The following ABCC11 variants were observed in gnomAD, a reference collection of about 807,000 sequenced individuals.
ABCC11 encodes the protein ATP binding cassette subfamily C member 11.
A neutral mutation model predicts 149.3 loss-of-function variants in ABCC11; 135 were observed. The ratio of observed to expected loss-of-function variants is 0.90; its 90% CI spans 0.79 to 1.04. The LOEUF (loss-of-function observed/expected upper bound fraction) is 1.04. ABCC11 is among the 50% of genes least tolerant of loss of function. ABCC11 has a pLI of 0.00. For missense variants in ABCC11, 1,680 were observed against 1,722.1 expected, an observed-to-expected ratio of 0.98 and a Z score of 0.43; for synonymous variants, 665 against 671.4, an observed-to-expected ratio of 0.99 and a Z score of 0.15.
intron 23 of ABCC11, among the ~76,000 whole-genome samples, chr16:48,183,568 C>T (rs934872915): frequency 2.6e-5 from 4 of 152,208 alleles, no homozygotes; most frequent in African/African-American, 9.7e-5. Context: ...TCAAGACCAG[C>T]CTGGCCAACA....
Position 48,205,553 on chromosome 16 carries a change from TC to T in ABCC11, c.1681-17del. 6.2e-7 allele frequency: 1 copy of T among 1,612,192 alleles called. No individual in the cohort carries two copies. Among genetic ancestry groups the T allele is most frequent in the South Asian group, 1.1e-5 (1 of 90,900 alleles). ...GCAAGTGCATCTGCGGCAGAATGAG[TC>T]CAGCCTCAGGACCAATTGGGCCAAG... On this transcript the variant is annotated splice_polypyrimidine_tract_variant and intron_variant, in intron 12 of 29. Coordinates refer to ENST00000356608, the MANE Select transcript of ABCC11 (RefSeq NM_001370497.1).
At chr16:48,237,268 T>G (rs118124073) in intron 1 of ABCC11, among the ~76,000 whole-genome samples, 3 of 152,310 alleles carry the variant, frequency 2.0e-5, no homozygotes, top group Non-Finnish European at 4.4e-5. Flanking sequence ...TAGGGCACAT[T>G]GTACATATCC....
Position 48,227,690 on chromosome 16 carries a change from G to A in ABCC11, c.395+116C>T, listed in dbSNP as rs968177461. 40 of 1,394,996 alleles carry A rather than the reference G, an allele frequency of 2.9e-5. No homozygotes were observed. In the Middle Eastern group the frequency reaches 6.5e-4, roughly 23 times the overall value. 86.4% of individuals were successfully genotyped at this position (1,394,996 alleles called of 1,614,324 possible). A position where few individuals can be genotyped will look rare whatever the true frequency, so the allele number is the denominator to read the frequency against. On this transcript the variant is annotated intron_variant, in intron 4 of 29. Coordinates refer to ENST00000356608, the MANE Select transcript of ABCC11 (RefSeq NM_001370497.1). ...CCTAGTATGAGGCCTCTTCCTACAG[G>A]AAGAGCCAAGTCGTCTGGCATGGCC...
chr16:48,230,477 C>T lies in ABCC11; in HGVS notation c.196G>A (p.Ala66Thr). 3 of 1,612,316 alleles carry T rather than the reference C, an allele frequency of 1.9e-6. No individual in the cohort carries two copies. Among genetic ancestry groups the T allele is most frequent in the South Asian group, 2.2e-5 (2 of 90,678 alleles). Residue 66 changes from alanine to threonine, a missense_variant, in exon 3 of 30, where the codon GCT becomes ACT. Coordinates refer to ENST00000356608, the MANE Select transcript of ABCC11 (RefSeq NM_001370497.1). ...AAVPPWGKYD[A>T]ALRTMIPFRP... ...AAGGGAATCATGGTTCTCAAGGCAGCATCATACTTCCCCCACGGTGGGACA... is the reference window on the plus strand; with the variant it reads ...AAGGGAATCATGGTTCTCAAGGCAGTATCATACTTCCCCCACGGTGGGACA...
intron 14 of ABCC11, among the ~76,000 whole-genome samples, chr16:48,200,916 T>C (rs1191376555): frequency 6.6e-6 from 1 of 152,150 alleles, no homozygotes; most frequent in Non-Finnish European, 1.5e-5. Flanking sequence ...ACAATAGAAA[T>C]GATAAATACC....
At chr16:48,199,672 ATTTTTTTTTTTT>A (rs71134549) in intron 15 of ABCC11, among the ~76,000 whole-genome samples, 3 of 58,242 alleles carry the variant, frequency 5.2e-5, no homozygotes, top group African/African-American at 1.9e-4. Flanking sequence ...TTTTTTATTG[ATTTTTTTTTTTT>A]TTTTTTTTTT....
chr16:48,215,402 G>A, intron 7 of ABCC11, 58 bp from the exon 8 acceptor site: 4 of 1,577,144 alleles, frequency 2.5e-6, no homozygotes, highest in Non-Finnish European at 3.5e-6. Flanking sequence ...TTTGACAAGG[G>A]CAGGAGAGTT....
In ABCC11 at chr16:48,182,194, C is replaced by T. The variant is rs560241635; in HGVS notation, c.3258+2246G>A. ...TGCACTCCAGCACATACATGCACTCCAGCACACACATGCACTCCAGTACAT... is the reference window on the plus strand; with the variant it reads ...TGCACTCCAGCACATACATGCACTCTAGCACACACATGCACTCCAGTACAT... On this transcript the variant is annotated intron_variant, in intron 23 of 29. Transcript: ENST00000356608. Among the ~76,000 whole-genome samples, 11 of 152,352 alleles carry T rather than the reference C, an allele frequency of 7.2e-5. No homozygotes were observed. In the East Asian group the frequency reaches 2.1e-3, roughly 29 times the overall value.
At chr16:48,208,806 G>A (rs775418777) in intron 11 of ABCC11, among the ~76,000 whole-genome samples, 22 of 152,150 alleles carry the variant, frequency 1.4e-4, no homozygotes, top group Non-Finnish European at 1.8e-4. Context: ...AAGCCACTTA[G>A]CCTCTCTGGG....
intron 3 of ABCC11, 92 bp from the exon 4 acceptor site, chr16:48,228,056 C>CACCG: frequency 2.1e-6 from 2 of 949,610 alleles, no homozygotes; most frequent in Admixed American, 4.8e-5. Context: ...CGAGGTTACC[C>CACCG]AGATCTACAC....
chr16:48,172,231 T>A (rs1467929852), intron 26 of ABCC11, among the ~76,000 whole-genome samples: 1 of 152,226 alleles, frequency 6.6e-6, no homozygotes, highest in East Asian at 1.9e-4. Context: ...TAATATTCCA[T>A]TGTATGTATA....
At chr16:48,179,469 C>A (rs1201047796) in intron 23 of ABCC11, among the ~76,000 whole-genome samples, 1 of 152,200 alleles carries the variant, frequency 6.6e-6, no homozygotes, top group Admixed American at 6.5e-5. Context: ...TACCCTGGCC[C>A]AAGAAATGGG....
In ABCC11 at chr16:48,203,304, T is replaced by C; in HGVS notation, c.1806-4A>G. 6.4e-7 allele frequency: 1 copy of C among 1,573,488 alleles called. No homozygotes were observed. Among genetic ancestry groups the C allele is most frequent in the Non-Finnish European group, 8.6e-7 (1 of 1,158,558 alleles). On this transcript the variant is annotated splice_polypyrimidine_tract_variant and splice_region_variant and intron_variant, in intron 13 of 29. Transcript: ENST00000356608. ...GCAGTGGAGCACCTGGAGGTATCTGTGAAGGACAGGGAGCCATAAGGCACA... is the reference window on the plus strand; with the variant it reads ...GCAGTGGAGCACCTGGAGGTATCTGCGAAGGACAGGGAGCCATAAGGCACA...
chr16:48,179,891 C>T (rs1416012545), intron 23 of ABCC11, among the ~76,000 whole-genome samples: 1 of 152,226 alleles, frequency 6.6e-6, no homozygotes, highest in East Asian at 1.9e-4. Context: ...TACATCCAGG[C>T]ACCCACAAGC....
chr16:48,215,163 C>A, intron 8 of ABCC11, 34 bp downstream of exon 8: 12 of 1,598,800 alleles, frequency 7.5e-6, no homozygotes, highest in Non-Finnish European at 9.4e-6. Flanking sequence ...CATGCCATCA[C>A]CAGGTTTGGA....
At chr16:48,200,637 A>T (rs1967885320) in intron 14 of ABCC11, among the ~76,000 whole-genome samples, 158 bp from the exon 15 acceptor site, 1 of 152,226 alleles carries the variant, frequency 6.6e-6, no homozygotes, top group South Asian at 2.1e-4. Flanking sequence ...GGACTTAAAA[A>T]TACATATATA....
chr16:48,167,768 A>T (rs1401192352), intron 28 of ABCC11, 108 bp from the exon 29 acceptor site: 2 of 1,265,146 alleles, frequency 1.6e-6, no homozygotes, highest in African/African-American at 3.0e-5. Flanking sequence ...CCAGGTCTCC[A>T]TTTCTTTAGC....
rs190875461 is a variant in ABCC11, at chr16:48,185,300, T to A, written c.3072-674A>T. Among the ~76,000 whole-genome samples, 9 of 152,350 alleles carry A rather than the reference T, an allele frequency of 5.9e-5. No individual in the cohort carries two copies. The East Asian group carries it at 1.7e-3, about 29-fold the overall frequency. ...AAAGTTTATTCCGTGAACATCTGTA[T>A]ACCCTCTACCTAATTTAGCAATTGT... On this transcript the variant is annotated intron_variant, in intron 22 of 29. Coordinates refer to ENST00000356608, the MANE Select transcript of ABCC11 (RefSeq NM_001370497.1).
chr16:48,242,912 G>C (rs111915588), intron 1 of ABCC11, among the ~76,000 whole-genome samples: 4 of 151,728 alleles, frequency 2.6e-5, no homozygotes, highest in East Asian at 2.0e-4. Context: ...GGTGGGGAGT[G>C]GGGGGGAAGG....
Sources: gnomAD v4.1 joint callset for allele counts (sites outside exome capture counted in the v4.1 genomes callset) on GRCh38, gnomAD v4.1.1 for gene constraint, MANE v1.5 for transcripts, NCBI Gene and HGNC (gene_info 2026-07-23, HGNC 2026-07-21) for gene names.